FAM229B: variants seen among roughly 807,000 people sequenced by gnomAD.
The protein encoded by FAM229B is protein FAM229B.
FAM229B carries 2 observed loss-of-function variants against 6.7 expected under a neutral mutation model. The ratio of observed to expected loss-of-function variants is 0.30; its 90% CI spans 0.12 to 0.94. The LOEUF is 0.94. Among genes scored for constraint, FAM229B ranks in the 40% least tolerant of loss-of-function variants. The pLI is 0.54. For missense variants in FAM229B, 93 were observed against 96.2 expected (o/e 0.97, Z 0.14); for synonymous variants, 29 against 34.0 (o/e 0.85, Z 0.51).
intron 1 of FAM229B, among the ~76,000 whole-genome samples, chr6:112,088,459 A>C (rs1554317788): frequency 6.6e-6 from 1 of 152,174 alleles, no homozygotes. Flanking sequence ...CGAAACTCTA[A>C]GAAGTCTTCT....
intron 2 of FAM229B, 127 bp downstream of exon 2, chr6:112,097,328 A>G (rs1554318775): frequency 6.6e-6 from 1 of 152,204 alleles, no homozygotes; most frequent in Non-Finnish European, 1.5e-5. Flanking sequence ...TTTTTTCTTG[A>G]TATTGAGACA....
intron 1 of FAM229B, among the ~76,000 whole-genome samples, chr6:112,093,652 T>A (rs1401912026): frequency 6.6e-6 from 1 of 152,092 alleles, no homozygotes; most frequent in Non-Finnish European, 1.5e-5. Context: ...ATTCAAGTCA[T>A]ACAACGAATA....
intron 1 of FAM229B, among the ~76,000 whole-genome samples, chr6:112,092,414 A>T (rs1322088818): frequency 1.3e-5 from 2 of 152,126 alleles, no homozygotes; most frequent in Non-Finnish European, 2.9e-5. Context: ...AAATCTTTAA[A>T]GTACCTAAAG....
intron 1 of FAM229B, 115 bp from the exon 2 acceptor site, chr6:112,096,926 A>C (rs1174376704): frequency 6.6e-6 from 1 of 152,244 alleles, no homozygotes; most frequent in Non-Finnish European, 1.5e-5. Flanking sequence ...CTAATATTGT[A>C]GGGAAATAAG....
chr6:112,088,826 T>C (rs140348499), intron 1 of FAM229B, among the ~76,000 whole-genome samples: 341 of 152,316 alleles, frequency 2.2e-3, no homozygotes, highest in Non-Finnish European at 3.2e-3. Context: ...AATAGGTCTG[T>C]ATCAGTGTGT....
intron 3 of FAM229B, 103 bp downstream of exon 3, chr6:112,099,511 C>A: frequency 2.6e-6 from 3 of 1,154,206 alleles, no homozygotes; most frequent in Non-Finnish European, 3.6e-6. Context: ...CTCAGCAATT[C>A]AAAAACATTG....
At chr6:112,091,590 C>T (rs782117287) in intron 1 of FAM229B, among the ~76,000 whole-genome samples, 3 of 152,158 alleles carry the variant, frequency 2.0e-5, no homozygotes, top group Non-Finnish European at 4.4e-5. Flanking sequence ...AAGAACCAGG[C>T]TGTTTCCAAA....
At chr6:112,089,907 A>G (rs1245845202) in intron 1 of FAM229B, among the ~76,000 whole-genome samples, 1 of 152,238 alleles carries the variant, frequency 6.6e-6, no homozygotes, top group Non-Finnish European at 1.5e-5. Flanking sequence ...GATACACACT[A>G]TGTTCTATAG....
intron 2 of FAM229B, among the ~76,000 whole-genome samples, chr6:112,098,695 G>T (rs910369342): frequency 3.9e-5 from 6 of 152,194 alleles, no homozygotes; most frequent in Non-Finnish European, 7.3e-5. Flanking sequence ...AGATATCTTG[G>T]TGAATGTGAA....
rs1777405330 is a variant in FAM229B, at chr6:112,102,056, G to A, written c.*1269G>A. 6.6e-6 allele frequency: 1 copy of A among 152,172 alleles called. No homozygotes were observed. Among genetic ancestry groups the A allele is most frequent in the South Asian group, 2.1e-4 (1 of 4,832 alleles). The allele number at this position is 152,172 out of a possible 1,614,324, so 9.4% of individuals were successfully genotyped here. On this transcript the variant is annotated 3_prime_UTR_variant, in exon 4 of 4. Coordinates refer to ENST00000368656, the MANE Select transcript of FAM229B (RefSeq NM_001033564.3). ...TAAAAATAAGCCTTGAGAGACTCAA[G>A]ATGATCTCTAAGTAACCTCATTTTA...
At chr6:112,092,694 C>T (rs2114503363) in intron 1 of FAM229B, among the ~76,000 whole-genome samples, 1 of 152,072 alleles carries the variant, frequency 6.6e-6, no homozygotes, top group South Asian at 2.1e-4. Context: ...TGTATAACGA[C>T]ATGCATGGGG....
intron 1 of FAM229B, among the ~76,000 whole-genome samples, chr6:112,090,912 TA>T (rs1777249064): frequency 6.6e-6 from 1 of 152,186 alleles, no homozygotes; most frequent in African/African-American, 2.4e-5. Flanking sequence ...ATATTATTAA[TA>T]ACTAGTCACC....
chr6:112,092,060 G>A (rs1475564242), intron 1 of FAM229B, among the ~76,000 whole-genome samples: 5 of 152,012 alleles, frequency 3.3e-5, no homozygotes, highest in South Asian at 2.1e-4. Flanking sequence ...TTTTTAAAAA[G>A]GAGAACTAGT....
At chr6:112,089,814 A>G (rs587640718) in intron 1 of FAM229B, among the ~76,000 whole-genome samples, 52 of 152,334 alleles carry the variant, frequency 3.4e-4, no homozygotes, top group Admixed American at 3.0e-3. Flanking sequence ...ATGGCTCAAC[A>G]TAAGATTAAC....
chr6:112,098,944 T>C (rs1170437864), intron 2 of FAM229B, among the ~76,000 whole-genome samples: 1 of 152,216 alleles, frequency 6.6e-6, no homozygotes, highest in Non-Finnish European at 1.5e-5. Flanking sequence ...TTTTAGCTAT[T>C]TAAAAATAGA....
At chr6:112,089,807 G>T (rs1777233771) in intron 1 of FAM229B, among the ~76,000 whole-genome samples, 1 of 151,878 alleles carries the variant, frequency 6.6e-6, no homozygotes, top group South Asian at 2.1e-4. Flanking sequence ...GACAAAGATG[G>T]CTCAACATAA....
At chr6:112,097,873 A>G (rs184731514) in intron 2 of FAM229B, among the ~76,000 whole-genome samples, 2 of 152,226 alleles carry the variant, frequency 1.3e-5, no homozygotes, top group African/African-American at 2.4e-5. Flanking sequence ...CAGACTTGGA[A>G]TGAGGGGGGA....
In FAM229B at chr6:112,100,850, G is replaced by A. The variant is rs938624177; in HGVS notation, c.*63G>A. 2.8e-5 allele frequency: 33 copies of A among 1,196,548 alleles called. No homozygotes were observed. The highest frequency in any genetic ancestry group is 4.0e-5 in the Non-Finnish European group (32 of 808,762). 74.1% of individuals were successfully genotyped at this position (1,196,548 alleles called of 1,614,324 possible). On this transcript the variant is annotated 3_prime_UTR_variant, in exon 4 of 4. Coordinates refer to ENST00000368656, the MANE Select transcript of FAM229B (RefSeq NM_001033564.3). ...GGGTAATGGACCAGTATCATCTGGT[G>A]ATCTGGTAAACAAATAAAAGTGGTG...
At chr6:112,099,136 C>T in intron 2 of FAM229B, 134 bp from the exon 3 acceptor site, 6 of 769,468 alleles carry the variant, frequency 7.8e-6, no homozygotes, top group South Asian at 2.0e-5. Context: ...AACCATTGCA[C>T]TCCAGCCTGG....
Sources: allele counts gnomAD v4.1 joint callset (sites outside exome capture counted in the v4.1 genomes callset), GRCh38; gene constraint gnomAD v4.1.1; transcripts MANE v1.5; gene names NCBI Gene and HGNC (gene_info 2026-07-23, HGNC 2026-07-21).